Variants in ERBB4 observed in about 807,000 individuals in gnomAD.
ERBB4 encodes receptor tyrosine-protein kinase erbB-4.
In ERBB4, 42 loss-of-function variants were observed where a neutral mutation model predicts 158.0. The observed-to-expected ratio is 0.27, with a 90% CI of 0.21 to 0.34. ERBB4 has a LOEUF of 0.34. Ranked by LOEUF, ERBB4 falls within the 10% of genes least tolerant of loss-of-function variation. The probability of loss-of-function intolerance (pLI) is 1.00; values close to 1 mark genes in which losing one functional copy is unlikely to be tolerated. For missense variants in ERBB4, 1,333 were observed against 1,624.1 expected (o/e 0.82, Z 3.08); for synonymous variants, 583 against 558.7 (o/e 1.04, Z -0.61).
At chr2:211,699,218 GTA>G (rs1463231972) in intron 12 of ERBB4, among the ~76,000 whole-genome samples, 3 of 152,156 alleles carry the variant, frequency 2.0e-5, no homozygotes, top group African/African-American at 7.2e-5. Flanking sequence ...TTCTAGGTGT[GTA>G]TATATGCATG....
chr2:212,445,589 C>T (rs552411911), intron 1 of ERBB4, among the ~76,000 whole-genome samples: 1 of 152,288 alleles, frequency 6.6e-6, no homozygotes, highest in East Asian at 1.9e-4. Flanking sequence ...CAGACTACTA[C>T]TCCATAATGG....
chr2:212,287,573 A>G (rs2086041429), intron 1 of ERBB4, among the ~76,000 whole-genome samples: 3 of 152,160 alleles, frequency 2.0e-5, no homozygotes, highest in Non-Finnish European at 4.4e-5. Context: ...TCGCTAGTCA[A>G]TGAGATGACC....
At chr2:212,109,409 C>T (rs2079334931) in intron 2 of ERBB4, among the ~76,000 whole-genome samples, 1 of 152,158 alleles carries the variant, frequency 6.6e-6, no homozygotes, top group Non-Finnish European at 1.5e-5. Context: ...TATGAGAGCC[C>T]TTCAAATATC....
chr2:211,609,888 A>T lies in ERBB4; in HGVS notation c.2301+9289T>A, dbSNP rs147548514. The stretch of plus-strand genomic sequence containing the variant: ...ATTGTCCATTTCTTTAGTTTCTGTC[A>T]GTCTATGGTTTGGAAATTGTAGACA... On this transcript the variant is annotated intron_variant, in intron 19 of 27. Transcript: ENST00000342788. 8.5e-5 allele frequency among the ~76,000 whole-genome samples: 13 copies of T among 152,340 alleles called. No individual in the cohort carries two copies. The East Asian group carries it at 2.5e-3, about 29-fold the overall frequency.
Position 211,990,044 on chromosome 2 carries a change from G to GA in ERBB4, c.235-42429dup, listed in dbSNP as rs375483051. On this transcript the variant is annotated intron_variant, in intron 2 of 27. Transcript: ENST00000342788. ...AAATAAGTATAACTAAGTTAGGAAT[G>GA]AAAAAAAAAATAGACAGAATATTGA... 3.6e-3 allele frequency among the ~76,000 whole-genome samples: 530 copies of GA among 146,234 alleles called. 4 individuals are homozygous for GA. Among genetic ancestry groups the GA allele is most frequent in the African/African-American group, 0.011 (444 of 40,060 alleles).
At chr2:212,002,073 C>G (rs546193809) in intron 2 of ERBB4, among the ~76,000 whole-genome samples, 3 of 152,084 alleles carry the variant, frequency 2.0e-5, no homozygotes, top group Non-Finnish European at 4.4e-5. Flanking sequence ...ACTTACATGA[C>G]CAAGAATAAT....
rs924970461 is a variant in ERBB4 at position 211,379,479 on chromosome 2, T to C, written c.*4136A>G. ...CAAGTGGAACCATATATGCCTACTTTCAGCTAAACCCAACAAACAACAATT... is the reference window on the plus strand; with the variant it reads ...CAAGTGGAACCATATATGCCTACTTCCAGCTAAACCCAACAAACAACAATT... On this transcript the variant is annotated 3_prime_UTR_variant, in exon 28 of 28. Transcript: ENST00000342788. 2.2e-5 allele frequency: 5 copies of C among 230,732 alleles called. No homozygotes were observed. Among genetic ancestry groups the C allele is most frequent in the African/African-American group, 1.1e-4 (5 of 45,230 alleles). 14.3% of individuals were successfully genotyped at this position (230,732 alleles called of 1,614,324 possible).
At chr2:212,051,713 G>T (rs1038322217) in intron 2 of ERBB4, among the ~76,000 whole-genome samples, 1 of 151,826 alleles carries the variant, frequency 6.6e-6, no homozygotes, top group Non-Finnish European at 1.5e-5. Flanking sequence ...CTTGACTATG[G>T]CTTCCCCCAT....
intron 2 of ERBB4, among the ~76,000 whole-genome samples, chr2:211,959,415 T>G (rs1343357526): frequency 1.3e-5 from 2 of 152,124 alleles, no homozygotes; most frequent in Non-Finnish European, 2.9e-5. Context: ...TTTTAAAATT[T>G]TATGCATTGA....
chr2:211,452,924 A>G (rs2064285176), intron 20 of ERBB4, among the ~76,000 whole-genome samples: 1 of 152,228 alleles, frequency 6.6e-6, no homozygotes, highest in South Asian at 2.1e-4. Flanking sequence ...ACAAAACGAT[A>G]AATAATTAGT....
chr2:211,435,575 A>C (rs2063831343), intron 20 of ERBB4, among the ~76,000 whole-genome samples: 1 of 152,200 alleles, frequency 6.6e-6, no homozygotes, highest in Non-Finnish European at 1.5e-5. Flanking sequence ...GCGAGCCAGC[A>C]TAACTGCCAG....
chr2:211,879,705 C>T (rs2106144731), intron 3 of ERBB4, among the ~76,000 whole-genome samples: 1 of 152,078 alleles, frequency 6.6e-6, no homozygotes, highest in East Asian at 1.9e-4. Flanking sequence ...GTGTAGTAGT[C>T]ATACTTATAA....
intron 2 of ERBB4, among the ~76,000 whole-genome samples, chr2:212,052,257 C>A (rs1481916877): frequency 1.3e-5 from 2 of 152,178 alleles, no homozygotes; most frequent in Non-Finnish European, 2.9e-5. Context: ...GCTTCTGGAC[C>A]CTTGGACATA....
chr2:212,398,126 A>G (rs1224711373), intron 1 of ERBB4, among the ~76,000 whole-genome samples: 2 of 151,642 alleles, frequency 1.3e-5, no homozygotes, highest in African/African-American at 4.8e-5. Flanking sequence ...GTGTGTGTAT[A>G]TATATACACA....
chr2:211,699,663 T>C (rs1321679196), intron 12 of ERBB4, among the ~76,000 whole-genome samples: 1 of 152,054 alleles, frequency 6.6e-6, no homozygotes, highest in African/African-American at 2.4e-5. Context: ...TTCATTTTTT[T>C]CCCCAAACTG....
At chr2:211,712,225 CCAA>C (rs1373069700) in intron 8 of ERBB4, 49 bp from the exon 9 acceptor site, 3 of 1,590,732 alleles carry the variant, frequency 1.9e-6, no homozygotes, top group Non-Finnish European at 2.6e-6. Context: ...TTATTTTTGG[CCAA>C]TAAATCATTG....
intron 20 of ERBB4, among the ~76,000 whole-genome samples, chr2:211,548,709 C>T (rs1423409880): frequency 6.6e-6 from 1 of 151,956 alleles, no homozygotes; most frequent in African/African-American, 2.4e-5. Flanking sequence ...TTCCGTTTCC[C>T]CATCTCCAAC....
intron 3 of ERBB4, among the ~76,000 whole-genome samples, chr2:211,807,382 G>C (rs2076643859): frequency 6.6e-6 from 1 of 152,118 alleles, no homozygotes; most frequent in African/African-American, 2.4e-5. Context: ...CTATGATTGA[G>C]AACACGCGAT....
At chr2:212,056,029 AAAAAAGATT>A (rs1319930187) in intron 2 of ERBB4, among the ~76,000 whole-genome samples, 3 of 152,218 alleles carry the variant, frequency 2.0e-5, no homozygotes, top group Non-Finnish European at 2.9e-5. Flanking sequence ...AAAAACCTTG[AAAAAAGATT>A]AGACAAATGG....
Sources: allele counts gnomAD v4.1 joint callset (sites outside exome capture counted in the v4.1 genomes callset), GRCh38; gene constraint gnomAD v4.1.1; transcripts MANE v1.5; gene names NCBI Gene and HGNC (gene_info 2026-07-23, HGNC 2026-07-21).